The following CHMP3 variants were observed in gnomAD, a reference collection of about 807,000 sequenced individuals.
CHMP3 encodes the protein charged multivesicular body protein 3, also known as 25.1 protein.
CHMP3 carries 8 observed loss-of-function variants against 27.4 expected under a neutral mutation model. That is an observed-to-expected ratio of 0.29 (90% CI 0.17 to 0.53). The LOEUF is 0.53. CHMP3 is among the 20% of genes least tolerant of loss of function. The pLI is 0.96. For missense variants in CHMP3, 208 were observed against 271.5 expected (o/e 0.77, Z 1.64); for synonymous variants, 86 against 85.5 (o/e 1.01, Z -0.03).
At chr2:86,511,175 G>A (rs1675092515) in intron 3 of CHMP3, 1 of 152,170 alleles carries the variant, frequency 6.6e-6, no homozygotes, top group African/African-American at 2.4e-5. Flanking sequence ...TCTGAGAGCT[G>A]TCATATACAA....
In CHMP3 at chr2:86,544,961, CCGGG is replaced by C. The variant is rs1676510721; in HGVS notation, c.46-2653_46-2650del. 2.1e-4 allele frequency among the ~76,000 whole-genome samples: 23 copies of C among 110,478 alleles called. 1 individual carries two copies. Among genetic ancestry groups the C allele is most frequent in the Admixed American group, 1.2e-3 (13 of 10,660 alleles). The allele number at this position is 110,478 out of a possible 152,430, so 72.5% of individuals were successfully genotyped here. A position where few individuals can be genotyped will look rare whatever the true frequency, so the allele number is the denominator to read the frequency against. On this transcript the variant is annotated intron_variant, in intron 1 of 5. Coordinates refer to ENST00000263856, the MANE Select transcript of CHMP3 (RefSeq NM_016079.4). ...GACGCTCACTTCCTAGACGGGGCGG[CCGGG>C]CAGAGGCGCTCCTCACCTCCCAGAC...
chr2:86,559,552 A>G (rs1338559035), intron 1 of CHMP3, among the ~76,000 whole-genome samples: 1 of 152,238 alleles, frequency 6.6e-6, no homozygotes, highest in Non-Finnish European at 1.5e-5. Context: ...ATGCTAAGTA[A>G]CCACAGCTGG....
At chr2:86,554,663 A>G (rs1677042220) in intron 1 of CHMP3, among the ~76,000 whole-genome samples, 1 of 152,210 alleles carries the variant, frequency 6.6e-6, no homozygotes, top group African/African-American at 2.4e-5. Context: ...CAAAGAAGTC[A>G]TATCCTAAGA....
chr2:86,550,406 G>A (rs1185747814), intron 1 of CHMP3, among the ~76,000 whole-genome samples: 1 of 136,670 alleles, frequency 7.3e-6, no homozygotes, highest in Admixed American at 6.8e-5. Flanking sequence ...GAGAGGGGGA[G>A]AGGGAGAAAG....
intron 2 of CHMP3, among the ~76,000 whole-genome samples, chr2:86,534,552 T>C (rs1371466669): frequency 3.3e-5 from 5 of 152,192 alleles, no homozygotes; most frequent in Non-Finnish European, 5.9e-5. Context: ...GATATACCCA[T>C]TGTTGACAGT....
chr2:86,540,814 T>C (rs567930685), intron 2 of CHMP3: 9 of 151,804 alleles, frequency 5.9e-5, no homozygotes, highest in African/African-American at 2.2e-4. Flanking sequence ...TGACTGCAAA[T>C]TCAATCATCT....
intron 2 of CHMP3, among the ~76,000 whole-genome samples, chr2:86,535,704 C>G (rs536560146): frequency 6.6e-6 from 1 of 152,252 alleles, no homozygotes; most frequent in Admixed American, 6.5e-5. Context: ...CTGGGTTTCA[C>G]CATGTTGGTC....
intron 2 of CHMP3, among the ~76,000 whole-genome samples, chr2:86,531,258 C>G (rs943058125): frequency 5.6e-4 from 86 of 152,284 alleles, no homozygotes; most frequent in African/African-American, 2.0e-3. Context: ...ATCTACCCAC[C>G]ACAGCCTCCC....
intron 1 of CHMP3, among the ~76,000 whole-genome samples, chr2:86,555,022 T>C (rs987545938): frequency 1.3e-5 from 2 of 151,836 alleles, no homozygotes; most frequent in African/African-American, 4.8e-5. Context: ...AATTTTTGTA[T>C]TTTTTAGTAG....
intron 3 of CHMP3, among the ~76,000 whole-genome samples, chr2:86,526,204 T>C (rs1558649559): frequency 6.6e-6 from 1 of 151,364 alleles, no homozygotes; most frequent in Non-Finnish European, 1.5e-5. Context: ...GATAAAAGAG[T>C]TTTTGCATGC....
intron 2 of CHMP3, among the ~76,000 whole-genome samples, chr2:86,532,884 C>G (rs1675983001): frequency 6.6e-6 from 1 of 152,158 alleles, no homozygotes; most frequent in Non-Finnish European, 1.5e-5. Context: ...AGACACTGGT[C>G]TATAGTTTTC....
chr2:86,549,371 G>T (rs1315367717), intron 1 of CHMP3, among the ~76,000 whole-genome samples: 1 of 147,308 alleles, frequency 6.8e-6, no homozygotes, highest in Non-Finnish European at 1.5e-5. Context: ...CTTCCCAGAT[G>T]GGGTGGCGGC....
At chr2:86,509,280 G>A (rs1675002385) in intron 4 of CHMP3, among the ~76,000 whole-genome samples, 1 of 152,204 alleles carries the variant, frequency 6.6e-6, no homozygotes, top group South Asian at 2.1e-4. Flanking sequence ...GGTTCTAGAT[G>A]AACAGTGATC....
chr2:86,563,074 T>C, intron 1 of CHMP3: 1 of 493,634 alleles, frequency 2.0e-6, no homozygotes, highest in Non-Finnish European at 3.7e-6. Context: ...GGAGAAACTC[T>C]TCATCCACCC....
intron 2 of CHMP3, among the ~76,000 whole-genome samples, chr2:86,531,376 A>AT (rs1192246322): frequency 6.6e-6 from 1 of 151,816 alleles, no homozygotes; most frequent in Non-Finnish European, 1.5e-5. Flanking sequence ...ACTCTTTTTT[A>AT]TTTTTTGGAG....
At chr2:86,514,201 GAAGC>G (rs1558645193) in intron 3 of CHMP3, among the ~76,000 whole-genome samples, 1 of 152,208 alleles carries the variant, frequency 6.6e-6, no homozygotes, top group African/African-American at 2.4e-5. Flanking sequence ...TAACCAGCTC[GAAGC>G]AGGGACAGGC....
At chr2:86,554,310 AAAAATT>A (rs1558662618) in intron 1 of CHMP3, among the ~76,000 whole-genome samples, 5 of 152,230 alleles carry the variant, frequency 3.3e-5, no homozygotes, top group Non-Finnish European at 5.9e-5. Context: ...CTACTTTTCT[AAAAATT>A]TAAAAATTTT....
At chr2:86,508,459 A>G (rs1300507377) in intron 4 of CHMP3, among the ~76,000 whole-genome samples, 4 of 152,194 alleles carry the variant, frequency 2.6e-5, no homozygotes, top group Admixed American at 1.3e-4. Flanking sequence ...GGCTGCTGAC[A>G]TCCCTGGGCA....
intron 1 of CHMP3, among the ~76,000 whole-genome samples, chr2:86,548,275 A>T (rs549013026): frequency 3.4e-4 from 52 of 151,420 alleles, no homozygotes; most frequent in African/African-American, 1.2e-3. Context: ...AGTGGAGAGA[A>T]GGTCAGCAGA....
Sources: allele counts gnomAD v4.1 joint callset (sites outside exome capture counted in the v4.1 genomes callset), GRCh38; gene constraint gnomAD v4.1.1; transcripts MANE v1.5; gene names NCBI Gene and HGNC (gene_info 2026-07-23, HGNC 2026-07-21).